The following MYO1E variants were observed in gnomAD, a reference collection of about 807,000 sequenced individuals.
MYO1E encodes the protein myosin IE.
In MYO1E, 68 loss-of-function variants were observed where a neutral mutation model predicts 151.1. The observed-to-expected ratio is 0.45, with a 90% confidence interval of 0.37 to 0.55. MYO1E has a LOEUF of 0.55. MYO1E is among the 20% of genes least tolerant of loss of function. The pLI, the probability that MYO1E is intolerant of heterozygous loss-of-function variation, is 0.00. For missense variants in MYO1E, 1,363 were observed against 1,389.3 expected (o/e 0.98, Z 0.30); for synonymous variants, 601 against 501.7 (o/e 1.20, Z -2.64).
At chr15:59,237,985 A>T (rs1466699144) in intron 4 of MYO1E, among the ~76,000 whole-genome samples, 14 of 152,162 alleles carry the variant, frequency 9.2e-5, no homozygotes, top group African/African-American at 3.4e-4. Flanking sequence ...GACCTGCAAA[A>T]GTCTGAACCC....
chr15:59,254,857 A>T (rs1202817868), intron 4 of MYO1E, among the ~76,000 whole-genome samples: 2 of 151,964 alleles, frequency 1.3e-5, no homozygotes, highest in African/African-American at 4.8e-5. Flanking sequence ...ATGGAGTCTC[A>T]GTCTGTCGCC....
chr15:59,163,590 A>C lies in MYO1E; in HGVS notation c.2481-287T>G, dbSNP rs76567159. 1.6e-3 allele frequency among the ~76,000 whole-genome samples: 247 copies of C among 151,722 alleles called. 1 individual carries two copies. Among genetic ancestry groups the C allele is most frequent in the African/African-American group, 5.6e-3 (233 of 41,426 alleles). The stretch of plus-strand genomic sequence containing the variant: ...ACTTAAGGACAATTTAGCCCATATT[A>C]AAAAAAAATCCATTTTCAAGTCCAA... On this transcript the variant is annotated intron_variant, in intron 22 of 27. Coordinates refer to ENST00000288235, the MANE Select transcript of MYO1E (RefSeq NM_004998.4).
In MYO1E at chr15:59,349,895, T is replaced by C. The variant is rs542115018; in HGVS notation, c.3+22603A>G. Among the ~76,000 whole-genome samples, 4 of 152,316 alleles carry C rather than the reference T, an allele frequency of 2.6e-5. No homozygotes were observed. In the South Asian group the frequency reaches 8.3e-4, roughly 32 times the overall value. On this transcript the variant is annotated intron_variant, in intron 1 of 27. Coordinates refer to ENST00000288235, the MANE Select transcript of MYO1E (RefSeq NM_004998.4). Reference sequence around the variant, plus strand: ...GAAATGATATCATTTCCCTAAAATTTAGTGAGCCAGGACTTGAACAGGTTT... The same window carrying C: ...GAAATGATATCATTTCCCTAAAATTCAGTGAGCCAGGACTTGAACAGGTTT...
At chr15:59,172,154 C>A (rs1254854691) in intron 21 of MYO1E, 112 bp from the exon 22 acceptor site, 31 of 1,196,284 alleles carry the variant, frequency 2.6e-5, no homozygotes, top group Non-Finnish European at 3.7e-5. Flanking sequence ...GTCAGGAGTT[C>A]GAGACCAGCC....
At chr15:59,358,979 C>A (rs2080870309) in intron 1 of MYO1E, among the ~76,000 whole-genome samples, 1 of 152,062 alleles carries the variant, frequency 6.6e-6, no homozygotes, top group African/African-American at 2.4e-5. Context: ...CTTGGGGAGA[C>A]CATGAACCAC....
chr15:59,248,127 CAAAAAAAAAAA>C (rs138467126), intron 4 of MYO1E, among the ~76,000 whole-genome samples: 4 of 35,908 alleles, frequency 1.1e-4, no homozygotes, highest in Non-Finnish European at 1.5e-4. Context: ...GACTCCGTCT[CAAAAAAAAAAA>C]AAAAAAAAAA....
At chr15:59,285,791 G>A (rs1312563780) in intron 1 of MYO1E, among the ~76,000 whole-genome samples, 4 of 152,224 alleles carry the variant, frequency 2.6e-5, no homozygotes, top group African/African-American at 9.6e-5. Context: ...ATTAGTGTGT[G>A]CATGTCCATT....
At chr15:59,320,904 A>G (rs1161312171) in intron 1 of MYO1E, among the ~76,000 whole-genome samples, 1 of 152,232 alleles carries the variant, frequency 6.6e-6, no homozygotes, top group Non-Finnish European at 1.5e-5. Context: ...GACAACCTAC[A>G]GAATAGGAGA....
chr15:59,153,727 C>G lies in MYO1E; in HGVS notation c.2943G>C (p.Gln981His). The G allele has an allele frequency of 6.2e-7, 1 of 1,614,178 alleles. No individual in the cohort carries two copies. The highest frequency in any genetic ancestry group is 8.5e-7 in the Non-Finnish European group (1 of 1,180,008). Residue 981 changes from glutamine (Q) to histidine (H), a missense_variant, in exon 26 of 28, where the codon CAG (glutamine) becomes CAC (histidine). By Grantham distance (24) the Gln-to-His change is conservative. Coordinates refer to ENST00000288235, the MANE Select transcript of MYO1E (RefSeq NM_004998.4). Reference sequence around the variant, plus strand: ...TGTACAGGCTTTTCTGATTGGACCTCTGGCTTCCAGGAGCATGGGGATATG... The same window carrying G: ...TGTACAGGCTTTTCTGATTGGACCTGTGGCTTCCAGGAGCATGGGGATATG... ...YVPYPHAPGS[Q>H]RSNQKSLYTS...
chr15:59,324,193 G>A (rs1567014876), intron 1 of MYO1E, among the ~76,000 whole-genome samples: 1 of 152,044 alleles, frequency 6.6e-6, no homozygotes, highest in African/African-American at 2.4e-5. Flanking sequence ...CATCTAAACT[G>A]TTAGAAAACC....
At chr15:59,266,645 G>C (rs1174681069) in intron 2 of MYO1E, 2 of 145,692 alleles carry the variant, frequency 1.4e-5, no homozygotes, top group African/African-American at 5.0e-5. Context: ...TTCAAATTTT[G>C]TTTTTTGTTT....
At chr15:59,147,451 G>C (rs1327123180) in intron 26 of MYO1E, among the ~76,000 whole-genome samples, 1 of 152,016 alleles carries the variant, frequency 6.6e-6, no homozygotes, top group Non-Finnish European at 1.5e-5. Context: ...AATTAGCCAG[G>C]TGTGGTGGCT....
intron 1 of MYO1E, among the ~76,000 whole-genome samples, chr15:59,273,899 A>G (rs1410483626): frequency 6.6e-6 from 1 of 152,198 alleles, no homozygotes; most frequent in Non-Finnish European, 1.5e-5. Context: ...CGAATGAAGA[A>G]GAGAAAAATT....
At chr15:59,306,408 T>C (rs1168738209) in intron 1 of MYO1E, among the ~76,000 whole-genome samples, 2 of 152,250 alleles carry the variant, frequency 1.3e-5, no homozygotes, top group Non-Finnish European at 2.9e-5. Flanking sequence ...GCATAAAAGA[T>C]ACTGAACGAA....
intron 1 of MYO1E, among the ~76,000 whole-genome samples, chr15:59,312,846 C>T (rs922423655): frequency 6.6e-6 from 1 of 150,636 alleles, no homozygotes; most frequent in African/African-American, 2.5e-5. Context: ...AATGAAACCC[C>T]GACTCTACTA....
intron 14 of MYO1E, chr15:59,208,241 G>C (rs1596366125): frequency 3.0e-6 from 2 of 677,062 alleles, no homozygotes; most frequent in South Asian, 4.5e-5. Flanking sequence ...CTCTTTTATT[G>C]AGCATCCACG....
At chr15:59,294,801 G>C (rs1333849828) in intron 1 of MYO1E, among the ~76,000 whole-genome samples, 1 of 152,168 alleles carries the variant, frequency 6.6e-6, no homozygotes, top group African/African-American at 2.4e-5. Context: ...AATGCCTCAT[G>C]CTCCTGCCAC....
chr15:59,371,542 TTA>T (rs2080944604), intron 1 of MYO1E, among the ~76,000 whole-genome samples: 1 of 150,838 alleles, frequency 6.6e-6, no homozygotes, highest in Non-Finnish European at 1.5e-5. Context: ...GTGGCTAAGG[TTA>T]TACAGGGAGG....
chr15:59,283,354 G>A (rs1263819708), intron 1 of MYO1E, among the ~76,000 whole-genome samples: 3 of 151,980 alleles, frequency 2.0e-5, no homozygotes, highest in Admixed American at 6.6e-5. Flanking sequence ...CCAGCTTAGG[G>A]TATTCTTCTA....
Sources: gnomAD v4.1 joint callset for allele counts (sites outside exome capture counted in the v4.1 genomes callset) on GRCh38, gnomAD v4.1.1 for gene constraint, MANE v1.5 for transcripts, NCBI Gene and HGNC (gene_info 2026-07-23, HGNC 2026-07-21) for gene names.